The following HTT variants were observed in gnomAD, a reference collection of about 807,000 sequenced individuals.
HTT encodes huntingtin, also known as huntington disease protein.
In HTT, 104 loss-of-function variants were observed where a neutral mutation model predicts 362.3. The observed-to-expected ratio is 0.29, with a 90% CI of 0.24 to 0.34. HTT has a LOEUF of 0.34. HTT is among the 10% of genes least tolerant of loss of function. The pLI is 1.00. For missense variants in HTT, 3,301 were observed against 3,928.6 expected, an observed-to-expected ratio of 0.84 and a Z score of 4.27; for synonymous variants, 1,577 against 1,548.7, an observed-to-expected ratio of 1.02 and a Z score of -0.43.
intron 40 of HTT, among the ~76,000 whole-genome samples, chr4:3,195,026 G>T (rs752276943): frequency 9.2e-5 from 14 of 152,144 alleles, no homozygotes; most frequent in Non-Finnish European, 1.9e-4. Flanking sequence ...CCAAAACCAA[G>T]AATGAAAACC....
chr4:3,234,175 G>C (rs1721403927), intron 61 of HTT, among the ~76,000 whole-genome samples: 1 of 152,246 alleles, frequency 6.6e-6, no homozygotes, highest in African/African-American at 2.4e-5. Flanking sequence ...GTCTCTGTAG[G>C]CACAGTTCAG....
intron 23 of HTT, 21 bp from the exon 24 acceptor site, chr4:3,145,131 T>C (rs958877706): frequency 6.3e-7 from 1 of 1,583,388 alleles, no homozygotes; most frequent in Non-Finnish European, 8.7e-7. Context: ...GGGTGTGATT[T>C]TATTGTTTCT....
chr4:3,115,266 G>A (rs1199982402), intron 6 of HTT, 38 bp from the exon 7 acceptor site: 1 of 1,599,496 alleles, frequency 6.3e-7, no homozygotes, highest in East Asian at 2.2e-5. Context: ...CTTCATAGGA[G>A]CTTCATCTTT....
chr4:3,225,623 C>T (rs1261002884), intron 56 of HTT, 38 bp from the exon 57 acceptor site: 1 of 1,591,890 alleles, frequency 6.3e-7, no homozygotes, highest in South Asian at 1.1e-5. Context: ...GCCCTGCCCC[C>T]CTGTGCAGAT....
At position 3,145,140 on chromosome 4, in the gene HTT, C is replaced by G. The variant is rs374806004; in HGVS notation, c.3067-12C>G. 3 of 1,604,036 alleles carry G rather than the reference C, an allele frequency of 1.9e-6. No individual in the cohort carries two copies. The highest frequency in any genetic ancestry group is 2.6e-6 in the Non-Finnish European group (3 of 1,170,896). On this transcript the variant is annotated splice_polypyrimidine_tract_variant and intron_variant, in intron 23 of 66. Coordinates refer to ENST00000355072, the MANE Select transcript of HTT (RefSeq NM_001388492.1). Reference sequence around the variant, plus strand: ...GTGTTTGGGTGTGATTTTATTGTTTCTTTCTTCTCAGTTTGGATGCTGTGA... The same window carrying G: ...GTGTTTGGGTGTGATTTTATTGTTTGTTTCTTCTCAGTTTGGATGCTGTGA...
chr4:3,099,058 TATC>T (rs138355820), intron 2 of HTT, among the ~76,000 whole-genome samples: 2,455 of 152,354 alleles, frequency 0.016, 39 homozygotes, highest in Non-Finnish European at 0.026. Flanking sequence ...CCCCAGTTAT[TATC>T]ATCCTAATTT....
rs1716622237 is a variant in HTT, at chr4:3,146,729, A to G, written c.3144-68A>G. 2.8e-6 allele frequency: 4 copies of G among 1,430,232 alleles called. No individual in the cohort carries two copies. In the East Asian group the frequency reaches 9.2e-5, roughly 33 times the overall value. The allele number at this position is 1,430,232 out of a possible 1,614,324, so 88.6% of individuals were successfully genotyped here. On this transcript the variant is annotated intron_variant, in intron 24 of 66. Transcript: ENST00000355072. ...GACATGCCTTCCTCTTGGAATTGCA[A>G]GAGAAAGGAAGACTGTTGTTTGCTT...
chr4:3,083,410 A>G (rs969106914), intron 1 of HTT, among the ~76,000 whole-genome samples: 6 of 151,896 alleles, frequency 4.0e-5, no homozygotes, highest in African/African-American at 1.5e-4. Context: ...AGTCCCAGCT[A>G]CTCAGGAGGC....
intron 64 of HTT, among the ~76,000 whole-genome samples, chr4:3,236,708 G>C (rs1003158755): frequency 1.3e-5 from 2 of 152,172 alleles, no homozygotes; most frequent in Non-Finnish European, 2.9e-5. Flanking sequence ...GGAGGATGAA[G>C]GTGGAACCCA....
chr4:3,118,904 C>T (rs1339387331), intron 8 of HTT, among the ~76,000 whole-genome samples: 2 of 152,164 alleles, frequency 1.3e-5, no homozygotes, highest in African/African-American at 4.8e-5. Flanking sequence ...ATTAAATTAC[C>T]ATGAGACGTT....
chr4:3,084,109 T>C (rs1260056476), intron 1 of HTT, among the ~76,000 whole-genome samples: 2 of 151,818 alleles, frequency 1.3e-5, no homozygotes, highest in East Asian at 3.9e-4. Context: ...TAGAGTAGGT[T>C]AGTGGTGGCA....
intron 11 of HTT, 138 bp from the exon 12 acceptor site, chr4:3,127,126 T>C: frequency 6.1e-6 from 4 of 657,420 alleles, no homozygotes; most frequent in Non-Finnish European, 1.1e-5. Context: ...ACTGCTGTCC[T>C]GCATTTCAGC....
rs185485336 is a variant in HTT at position 3,218,581 on chromosome 4, C to T, written c.7242+629C>T. Among the ~76,000 whole-genome samples, 2 of 151,848 alleles carry T rather than the reference C, an allele frequency of 1.3e-5. No individual in the cohort carries two copies. The highest frequency in any genetic ancestry group is 1.9e-4 in the East Asian group (1 of 5,156). ...CCAGGAGGCGAAGGTTGCAGTAAGC[C>T]GAGATCGCGCCACTGCACTCTAGCC... On this transcript the variant is annotated intron_variant, in intron 52 of 66. Coordinates refer to ENST00000355072, the MANE Select transcript of HTT (RefSeq NM_001388492.1). The surrounding 1 kb of genome is among the most constrained non-coding windows in gnomAD (Gnocchi z 4.4).
At chr4:3,134,654 G>GT in intron 19 of HTT, 114 bp downstream of exon 19, 1 of 951,746 alleles carries the variant, frequency 1.1e-6, no homozygotes, top group Non-Finnish European at 1.6e-6. Context: ...AATCCGAGTG[G>GT]TTTAGGTAGA....
At chr4:3,128,036 G>A (rs533295211) in intron 12 of HTT, among the ~76,000 whole-genome samples, 83 of 152,022 alleles carry the variant, frequency 5.5e-4, no homozygotes, top group African/African-American at 1.3e-3. Flanking sequence ...AGGCTCGAGC[G>A]ATTCTCCCGC....
chr4:3,236,588 G>T (rs749874908), intron 64 of HTT, among the ~76,000 whole-genome samples: 2 of 152,208 alleles, frequency 1.3e-5, no homozygotes, highest in African/African-American at 4.8e-5. Flanking sequence ...GCAGAAGCCT[G>T]TACAGTGAGG....
intron 3 of HTT, among the ~76,000 whole-genome samples, chr4:3,101,302 C>G (rs905074413): frequency 1.3e-5 from 2 of 152,292 alleles, no homozygotes; most frequent in African/African-American, 4.8e-5. Context: ...GTCTCAGGTG[C>G]TCTTCCTGGC....
chr4:3,103,732 T>C, intron 3 of HTT, 92 bp from the exon 4 acceptor site: 1 of 766,168 alleles, frequency 1.3e-6, no homozygotes, highest in East Asian at 2.5e-5. Flanking sequence ...TGTTTTGCTT[T>C]GCCCCAAAAT....
rs778623272 is a variant in HTT, at chr4:3,099,254, T to A, written c.348-20T>A. On this transcript the variant is annotated intron_variant, in intron 2 of 66. Transcript: ENST00000355072. ...TCACCTTAGGCTCCTCTTGACAGTT[T>A]CTCTTCTTTTTTTGCTTAGAAATTC... 1.9e-6 allele frequency: 3 copies of A among 1,588,054 alleles called. No individual in the cohort carries two copies. In the African/African-American group the frequency reaches 4.0e-5, roughly 21 times the overall value.
Sources: allele counts gnomAD v4.1 joint callset (sites outside exome capture counted in the v4.1 genomes callset), GRCh38; gene constraint gnomAD v4.1.1; non-coding constraint Gnocchi (gnomAD v3.1); transcripts MANE v1.5; gene names NCBI Gene and HGNC (gene_info 2026-07-23, HGNC 2026-07-21).